POC1B: variants seen among roughly 807,000 people sequenced by gnomAD.
The protein encoded by POC1B is POC1 centriolar protein homolog B.
Under a neutral mutation model 60.6 loss-of-function variants are expected in POC1B, and 44 were observed. The observed-to-expected ratio is 0.73, with a 90% CI of 0.57 to 0.93. POC1B has a LOEUF of 0.93. Ranked by LOEUF, POC1B falls within the 40% of genes least tolerant of loss-of-function variation. The pLI is 0.00. For synonymous variants in POC1B, 180 were observed against 198.9 expected (o/e 0.90, Z 0.80); for missense variants, 555 against 572.3 (o/e 0.97, Z 0.31).
chr12:89,429,882 G>A (rs1880957490), intron 10 of POC1B, among the ~76,000 whole-genome samples: 1 of 152,192 alleles, frequency 6.6e-6, no homozygotes, highest in African/African-American at 2.4e-5. Flanking sequence ...AACATTGTGT[G>A]ATACAGTGAA....
At chr12:89,434,259 G>A (rs1483616008) in intron 10 of POC1B, among the ~76,000 whole-genome samples, 1 of 152,122 alleles carries the variant, frequency 6.6e-6, no homozygotes, top group South Asian at 2.1e-4. Context: ...TTCTTCTTGA[G>A]AGCAAATTGG....
chr12:89,500,700 C>T (rs1869513916), intron 2 of POC1B: 2 of 1,385,092 alleles, frequency 1.4e-6, no homozygotes, highest in Admixed American at 4.1e-5. Flanking sequence ...TCACTTAAAA[C>T]CAAAAAAAGA....
rs1321312059 is a variant in POC1B at position 89,525,970 on chromosome 12, A to C, written c.-75T>G. 7.1e-6 allele frequency: 11 copies of C among 1,545,382 alleles called. No homozygotes were observed. The highest frequency in any genetic ancestry group is 9.6e-6 in the Non-Finnish European group (11 of 1,145,200). ...GGGAGGGGAGAGGATGGGGAAGGAG[A>C]GGGGACCGTGCGGCTCCCGGAACCG... On this transcript the variant is annotated 5_prime_UTR_variant, in exon 1 of 12. Coordinates refer to ENST00000313546, the MANE Select transcript of POC1B (RefSeq NM_172240.3).
Position 89,497,196 on chromosome 12 carries a change from T to A in POC1B, c.247A>T (p.Thr83Ser). The A allele has an allele frequency of 6.2e-7, 1 of 1,613,908 alleles. No homozygotes were observed. Among genetic ancestry groups the A allele is most frequent in the Non-Finnish European group, 8.5e-7 (1 of 1,179,980 alleles). ...TTATCAGGAATCCAGAGTCTCACGG[T>A]TCTGTCTCGTGAGGCAGACGCCAAT... Reference protein sequence around the residue: ...NLLASASRDRTVRLWIPDKRG... With the variant: ...NLLASASRDRSVRLWIPDKRG... Residue 83 changes from threonine to serine, a missense_variant, in exon 3 of 12, where the codon ACC becomes TCC. By Grantham distance (58) the Thr-to-Ser change is moderately conservative. Coordinates refer to ENST00000313546, the MANE Select transcript of POC1B (RefSeq NM_172240.3).
intron 3 of POC1B, among the ~76,000 whole-genome samples, chr12:89,493,997 C>G (rs1233467333): frequency 6.6e-6 from 1 of 152,228 alleles, no homozygotes; most frequent in African/African-American, 2.4e-5. Flanking sequence ...GTGACCAACT[C>G]TGAGCCAGAC....
the POC1B span, among the ~76,000 whole-genome samples, chr12:89,406,482 A>G: frequency 6.6e-6 from 1 of 152,154 alleles, no homozygotes; most frequent in Admixed American, 6.5e-5. Flanking sequence ...TTTTGAAATA[A>G]AACTTAAACT....
At chr12:89,508,583 G>T (rs1026191676) in intron 2 of POC1B, among the ~76,000 whole-genome samples, 1 of 152,188 alleles carries the variant, frequency 6.6e-6, no homozygotes, top group Admixed American at 6.5e-5. Flanking sequence ...CCTCTACCAT[G>T]TAAAGTTACT....
chr12:89,500,174 A>C (rs1302756451), intron 2 of POC1B: 56 of 1,598,498 alleles, frequency 3.5e-5, no homozygotes, highest in Non-Finnish European at 4.6e-5. Context: ...TGACATTAAC[A>C]CAGAGCAAGG....
At chr12:89,473,869 A>G (rs1565740441) in intron 4 of POC1B, among the ~76,000 whole-genome samples, 1 of 152,010 alleles carries the variant, frequency 6.6e-6, no homozygotes, top group Admixed American at 6.6e-5. Context: ...CCTGGGGAAA[A>G]AAACCTACTC....
Position 89,519,007 on chromosome 12 carries a change from GAC to G in POC1B, c.100+6111_100+6112del, listed in dbSNP as rs1300928681. Reference sequence around the variant, plus strand: ...ATTTAGGAATCACTAAAGAGGAAGAGACAGGCCACTGGTGGAAGGGAATTTCA... The same window carrying G: ...ATTTAGGAATCACTAAAGAGGAAGAGAGGCCACTGGTGGAAGGGAATTTCA... On this transcript the variant is annotated intron_variant, in intron 2 of 11. Transcript: ENST00000313546. Among the ~76,000 whole-genome samples the G allele has an allele frequency of 8.5e-5, 13 of 152,300 alleles. No homozygotes were observed. The East Asian group carries it at 2.3e-3, about 27-fold the overall frequency.
rs372420331 is a variant in POC1B at position 89,523,422 on chromosome 12, T to C, written c.100+1698A>G. 12 of 1,613,916 alleles carry C rather than the reference T, an allele frequency of 7.4e-6. No homozygotes were observed. The Admixed American group carries it at 1.0e-4, about 13-fold the overall frequency. On this transcript the variant is annotated intron_variant, in intron 2 of 11. Transcript: ENST00000313546. ...CTTCTGCTGCCCGAGCAGTATTCTG[T>C]AGGAAATTGGGGCGAGCATATGGTG... is the stretch of plus-strand genomic sequence containing the variant.
chr12:89,442,409 G>A (rs971964049), intron 10 of POC1B, among the ~76,000 whole-genome samples: 10 of 152,138 alleles, frequency 6.6e-5, no homozygotes, highest in Admixed American at 3.9e-4. Context: ...CAGATGTCTC[G>A]GCAGAAACTC....
chr12:89,501,173 C>T (rs950341497), intron 2 of POC1B: 33 of 1,438,078 alleles, frequency 2.3e-5, no homozygotes, highest in Non-Finnish European at 3.0e-5. Flanking sequence ...TTAGCTAAGA[C>T]TTTGGCAAAT....
intron 10 of POC1B, among the ~76,000 whole-genome samples, chr12:89,434,183 T>C (rs775577551): frequency 8.5e-5 from 13 of 152,340 alleles, no homozygotes; most frequent in African/African-American, 2.6e-4. Context: ...GGAGAAAACA[T>C]ACATCTTTTT....
intron 10 of POC1B, among the ~76,000 whole-genome samples, chr12:89,429,697 C>A (rs1436148010): frequency 1.3e-5 from 2 of 152,122 alleles, no homozygotes; most frequent in Non-Finnish European, 2.9e-5. Flanking sequence ...GGGCCCAAAT[C>A]CCCCACAATG....
intron 4 of POC1B, among the ~76,000 whole-genome samples, chr12:89,474,328 G>A (rs1223397789): frequency 6.6e-6 from 1 of 152,048 alleles, no homozygotes; most frequent in African/African-American, 2.4e-5. Context: ...ATATTTCTAT[G>A]AGAGGACTTA....
chr12:89,418,937 C>T (rs1341009539), downstream of POC1B, among the ~76,000 whole-genome samples: 1 of 152,050 alleles, frequency 6.6e-6, no homozygotes, highest in African/African-American at 2.4e-5. Flanking sequence ...AGTCTTCCAG[C>T]CAAGAGATTA....
rs1276442121 is a variant in POC1B, at chr12:89,524,729, G to GCCTC, written c.100+387_100+390dup. ...GTCACCTGAGCCCTCTCGGTCCTCG[G>GCCTC]CCTCCGGCACAGCCCAACTCCTCTC... On this transcript the variant is annotated intron_variant, in intron 2 of 11. Transcript: ENST00000313546. 8.9e-6 allele frequency: 6 copies of GCCTC among 676,170 alleles called. No individual in the cohort carries two copies. In the Admixed American group the frequency reaches 1.5e-4, roughly 16 times the overall value. The allele number at this position is 676,170 out of a possible 1,614,324, so 41.9% of individuals were successfully genotyped here. A position where few individuals can be genotyped will look rare whatever the true frequency, so the allele number is the denominator to read the frequency against.
Position 89,471,658 on chromosome 12 carries a change from T to G in POC1B, c.632A>C (p.Lys211Thr). 6.2e-7 allele frequency: 1 copy of G among 1,611,872 alleles called. No homozygotes were observed. The part of the protein sequence containing the change: ...IASAGSDQTV[K>T]VWDVRVNKLL... ...TTTGTTCACTCTTACATCCCAGACTTTCACAGTTTGATCAGAACCTGCTGA... is the reference window on the plus strand; with the variant it reads ...TTTGTTCACTCTTACATCCCAGACTGTCACAGTTTGATCAGAACCTGCTGA... Residue 211 changes from lysine to threonine, a missense_variant, in exon 6 of 12, where the codon AAA becomes ACA. Transcript: ENST00000313546.
Sources: allele counts gnomAD v4.1 joint callset (sites outside exome capture counted in the v4.1 genomes callset), GRCh38; gene constraint gnomAD v4.1.1; transcripts MANE v1.5; gene names NCBI Gene and HGNC (gene_info 2026-07-23, HGNC 2026-07-21).